RAPGEF1: variants seen among roughly 807,000 people sequenced by gnomAD.
RAPGEF1 encodes the protein Rap guanine nucleotide exchange factor 1.
A neutral mutation model predicts 143.3 loss-of-function variants in RAPGEF1; 33 were observed. That is an observed-to-expected ratio of 0.23 (90% confidence interval 0.17 to 0.31). The LOEUF (loss-of-function observed/expected upper bound fraction) is 0.31, where lower values mean the gene tolerates loss of function less well. Ranked by LOEUF, RAPGEF1 falls within the 10% of genes least tolerant of loss-of-function variation. RAPGEF1 has a pLI of 1.00. For missense variants in RAPGEF1, 1,199 were observed against 1,645.4 expected, an observed-to-expected ratio of 0.73 and a Z score of 4.69; for synonymous variants, 629 against 676.5, an observed-to-expected ratio of 0.93 and a Z score of 1.09.
chr9:131,614,146 C>CG (rs1014746712), intron 12 of RAPGEF1, among the ~76,000 whole-genome samples: 1 of 152,054 alleles, frequency 6.6e-6, no homozygotes, highest in East Asian at 1.9e-4. Flanking sequence ...CAACACCCCC[C>CG]CCCAAGGAGG....
At chr9:131,737,563 G>A (rs989269501) in intron 1 of RAPGEF1, 244 of 1,583,904 alleles carry the variant, frequency 1.5e-4, no homozygotes, top group Non-Finnish European at 1.9e-4. Context: ...ATGCTGAAAT[G>A]AACTGGCCTC....
chr9:131,719,810 C>A (rs1836134710), intron 1 of RAPGEF1, among the ~76,000 whole-genome samples: 1 of 151,812 alleles, frequency 6.6e-6, no homozygotes, highest in Middle Eastern at 3.5e-3. Context: ...AGTCATACAC[C>A]GAATTGGGGC....
intron 1 of RAPGEF1, among the ~76,000 whole-genome samples, chr9:131,659,157 G>A (rs1199677244): frequency 2.0e-5 from 3 of 152,174 alleles, no homozygotes; most frequent in Admixed American, 6.5e-5. Flanking sequence ...TGCATAAAAA[G>A]GACAAATGGA....
intron 12 of RAPGEF1, among the ~76,000 whole-genome samples, chr9:131,616,015 C>T (rs998979890): frequency 1.3e-5 from 2 of 152,132 alleles, no homozygotes; most frequent in Non-Finnish European, 2.9e-5. Flanking sequence ...GCCTGTAATC[C>T]CAGCACTTTG....
chr9:131,620,178 A>G (rs1463590484), intron 11 of RAPGEF1, among the ~76,000 whole-genome samples: 1 of 152,170 alleles, frequency 6.6e-6, no homozygotes, highest in Non-Finnish European at 1.5e-5. Flanking sequence ...TGTCTCCCCA[A>G]ATATTCAGAA....
At chr9:131,597,272 C>T (rs1225673282) in intron 16 of RAPGEF1, among the ~76,000 whole-genome samples, 1 of 152,182 alleles carries the variant, frequency 6.6e-6, no homozygotes, top group Non-Finnish European at 1.5e-5. Flanking sequence ...CTTGGGTTTA[C>T]CTCTAGGAGT....
chr9:131,660,287 T>G (rs1014914405), intron 1 of RAPGEF1, among the ~76,000 whole-genome samples: 1 of 152,234 alleles, frequency 6.6e-6, no homozygotes, highest in Non-Finnish European at 1.5e-5. Flanking sequence ...GGAAGTCTAC[T>G]GGATAACTAT....
At chr9:131,727,569 T>C (rs11243489) in intron 1 of RAPGEF1, among the ~76,000 whole-genome samples, 13,383 of 152,132 alleles carry the variant, frequency 0.088, 714 homozygotes, top group East Asian at 0.25. Context: ...GGTCCAGGCA[T>C]TTCTGGTGAT....
At chr9:131,664,111 G>A (rs1830045748) in intron 1 of RAPGEF1, among the ~76,000 whole-genome samples, 1 of 152,034 alleles carries the variant, frequency 6.6e-6, no homozygotes, top group African/African-American at 2.4e-5. Context: ...TCCAAACTTG[G>A]CCAGAGGGAA....
rs190604374 is a variant in RAPGEF1, at chr9:131,621,416, T to C, written c.1905+380A>G. ...TCCACAGATGGCTGTGCACAGACCA[T>C]GTCCTGTGCTTTGATTGAGTCCCTC... On this transcript the variant is annotated intron_variant, in intron 11 of 26. Transcript: ENST00000683357. The surrounding 1 kb of genome is among the most constrained non-coding windows in gnomAD (Gnocchi z 4.5). Among the ~76,000 whole-genome samples, 2 of 152,324 alleles carry C rather than the reference T, an allele frequency of 1.3e-5. No homozygotes were observed. The highest frequency in any genetic ancestry group is 2.4e-5 in the African/African-American group (1 of 41,580).
At chr9:131,593,399 C>A (rs1253166315) in intron 17 of RAPGEF1, among the ~76,000 whole-genome samples, 1 of 152,260 alleles carries the variant, frequency 6.6e-6, no homozygotes, top group Admixed American at 6.5e-5. Flanking sequence ...GACTCACTCC[C>A]TGCAGCCACC....
intron 1 of RAPGEF1, chr9:131,709,762 G>C: frequency 6.2e-7 from 1 of 1,605,530 alleles, no homozygotes; most frequent in Non-Finnish European, 8.5e-7. Flanking sequence ...GTCACTGGCT[G>C]AAAGGGGATA....
At chr9:131,633,624 T>A (rs1383409973) in intron 5 of RAPGEF1, among the ~76,000 whole-genome samples, 2 of 152,224 alleles carry the variant, frequency 1.3e-5, no homozygotes, top group Admixed American at 1.3e-4. Flanking sequence ...GGCACACATG[T>A]GCAGACATGT....
intron 1 of RAPGEF1, among the ~76,000 whole-genome samples, chr9:131,670,982 C>T (rs1831287037): frequency 6.6e-6 from 1 of 152,214 alleles, no homozygotes; most frequent in Admixed American, 6.5e-5. Flanking sequence ...CAGCCATCCC[C>T]CTTCCCTGGA....
intron 25 of RAPGEF1, among the ~76,000 whole-genome samples, chr9:131,581,526 TA>T (rs980961469): frequency 7.0e-6 from 1 of 143,258 alleles, no homozygotes; most frequent in Non-Finnish European, 1.6e-5. Context: ...CCGTCTCTAC[TA>T]AAAAAAATAC....
chr9:131,587,305 A>AACACACACACAC (rs71374114), intron 22 of RAPGEF1, among the ~76,000 whole-genome samples: 1 of 88,470 alleles, frequency 1.1e-5, no homozygotes, highest in African/African-American at 4.5e-5. Flanking sequence ...CTCCGTCTCA[A>AACACACACACAC]ACACACACAC....
At chr9:131,673,028 G>A (rs971030477) in intron 1 of RAPGEF1, among the ~76,000 whole-genome samples, 2 of 152,150 alleles carry the variant, frequency 1.3e-5, no homozygotes, top group African/African-American at 2.4e-5. Context: ...TTCAGGGCTT[G>A]CTTGTTTATA....
At chr9:131,615,075 G>T (rs1958710837) in intron 12 of RAPGEF1, among the ~76,000 whole-genome samples, 2 of 152,150 alleles carry the variant, frequency 1.3e-5, no homozygotes, top group Admixed American at 1.3e-4. Context: ...ATGGAGGAAG[G>T]TGTTTTTTCT....
chr9:131,672,621 C>T (rs374814206), intron 1 of RAPGEF1, among the ~76,000 whole-genome samples: 20 of 152,270 alleles, frequency 1.3e-4, no homozygotes, highest in East Asian at 5.8e-4. Flanking sequence ...GGGCCAAAGA[C>T]GGGGAGGGGC....
Sources: allele counts gnomAD v4.1 joint callset (sites outside exome capture counted in the v4.1 genomes callset), GRCh38; gene constraint gnomAD v4.1.1; non-coding constraint Gnocchi (gnomAD v3.1); transcripts MANE v1.5; gene names NCBI Gene and HGNC (gene_info 2026-07-23, HGNC 2026-07-21).